Variants in MCM8 observed in about 807,000 individuals in gnomAD.
MCM8 encodes the protein DNA helicase MCM8.
In MCM8, 85 loss-of-function variants were observed where a neutral mutation model predicts 98.9. That is an observed-to-expected ratio of 0.86 (90% confidence interval 0.72 to 1.03). The LOEUF (loss-of-function observed/expected upper bound fraction) is 1.03, where lower values mean the gene tolerates loss of function less well. Ranked by LOEUF, MCM8 falls within the 50% of genes least tolerant of loss-of-function variation. MCM8 has a pLI of 0.00. For synonymous variants in MCM8, 352 were observed against 338.6 expected (o/e 1.04, Z -0.44); for missense variants, 951 against 997.8 (o/e 0.95, Z 0.63).
intron 13 of MCM8, among the ~76,000 whole-genome samples, chr20:5,980,285 C>G (rs1779613019): frequency 6.6e-6 from 1 of 152,116 alleles, no homozygotes; most frequent in African/African-American, 2.4e-5. Context: ...TGCCTGGACC[C>G]CCTATTGGCT....
At chr20:5,952,967 TTGGACTTC>T (rs142539946) in intron 3 of MCM8, among the ~76,000 whole-genome samples, 1 of 152,316 alleles carries the variant, frequency 6.6e-6, no homozygotes, top group East Asian at 1.9e-4. Context: ...AAAGCTATGC[TTGGACTTC>T]TGAAGGCTAC....
intron 12 of MCM8, among the ~76,000 whole-genome samples, chr20:5,977,125 AT>A (rs2089527873): frequency 6.6e-6 from 1 of 152,236 alleles, no homozygotes; most frequent in African/African-American, 2.4e-5. Context: ...GATAATTACT[AT>A]TTATTGAGCC....
intron 3 of MCM8, 77 bp from the exon 4 acceptor site, chr20:5,954,531 A>G (rs1163579756): frequency 1.3e-6 from 1 of 761,892 alleles, no homozygotes; most frequent in Non-Finnish European, 2.3e-6. Flanking sequence ...CCATGTATAT[A>G]GTGCTGCTTT....
chr20:5,982,961 C>CG lies in MCM8; in HGVS notation c.1538-8dup. The CG allele has an allele frequency of 6.2e-7, 1 of 1,600,238 alleles. No homozygotes were observed. The highest frequency in any genetic ancestry group is 2.3e-5 in the East Asian group (1 of 44,308). The stretch of plus-strand genomic sequence containing the variant: ...ATGTTTTTTCTGCTTTATTCTACTT[C>CG]GATTGTAGGTATTTGTGGAATCGAT... On this transcript the variant is annotated splice_polypyrimidine_tract_variant and intron_variant, in intron 13 of 18. Transcript: ENST00000610722.
At chr20:5,986,396 T>TAA (rs2089736230) in intron 16 of MCM8, among the ~76,000 whole-genome samples, 1 of 152,234 alleles carries the variant, frequency 6.6e-6, no homozygotes, top group Non-Finnish European at 1.5e-5. Flanking sequence ...AGGAGACTCC[T>TAA]GGAATATCTG....
chr20:5,975,081 A>G (rs1012443242), intron 12 of MCM8, among the ~76,000 whole-genome samples: 3 of 152,146 alleles, frequency 2.0e-5, no homozygotes, highest in Admixed American at 6.5e-5. Context: ...CAACAAAGTG[A>G]GACCCTATCT....
chr20:5,968,414 G>A (rs533645081), intron 10 of MCM8, among the ~76,000 whole-genome samples: 7 of 152,164 alleles, frequency 4.6e-5, no homozygotes, highest in Middle Eastern at 3.4e-3. Flanking sequence ...GCTTGGTGGC[G>A]GGCGCCTGTA....
chr20:5,954,564 T>A (rs779973237), intron 3 of MCM8, 44 bp from the exon 4 acceptor site: 2 of 1,110,616 alleles, frequency 1.8e-6, no homozygotes, highest in East Asian at 4.7e-5. Flanking sequence ...AATGTGCATG[T>A]ACCTGTGTGA....
At chr20:5,987,546 G>C (rs984639174) in intron 17 of MCM8, among the ~76,000 whole-genome samples, 188 bp downstream of exon 17, 4 of 151,920 alleles carry the variant, frequency 2.6e-5, no homozygotes, top group Non-Finnish European at 5.9e-5. Context: ...AAATTTTTTT[G>C]AATGAGTAAT....
intron 17 of MCM8, among the ~76,000 whole-genome samples, chr20:5,992,131 A>G (rs2089865601): frequency 6.6e-6 from 1 of 152,190 alleles, no homozygotes; most frequent in Admixed American, 6.6e-5. Flanking sequence ...GTGAAAGATC[A>G]TTGTTTTTTT....
At chr20:5,990,241 A>AT (rs1038812434) in intron 17 of MCM8, among the ~76,000 whole-genome samples, 58 of 151,934 alleles carry the variant, frequency 3.8e-4, no homozygotes, top group Non-Finnish European at 5.1e-4. Context: ...CGCCCAGCTA[A>AT]TTTTTTTGTA....
chr20:5,954,626 C>A lies in MCM8; in HGVS notation c.272C>A (p.Pro91His). The part of the protein sequence containing the change: ...YFSEVYSDSS[P>H]LIEKIQAFEK... ...GGATTAGTTTACAGCGATAGCTCTC[C>A]TTTGATTGAGAAGATTCAAGCATTT... The change falls in exon 4 of 19, where the codon CCT becomes CAT. Residue 91 changes from proline to histidine, a missense_variant. By Grantham distance (77) the Pro-to-His change is moderately conservative. Transcript: ENST00000610722. The A allele has an allele frequency of 6.2e-7, 1 of 1,608,400 alleles. No individual in the cohort carries two copies. The highest frequency in any genetic ancestry group is 8.5e-7 in the Non-Finnish European group (1 of 1,175,306).
chr20:5,963,823 A>G (rs929457835), intron 8 of MCM8, among the ~76,000 whole-genome samples: 3 of 152,214 alleles, frequency 2.0e-5, no homozygotes, highest in Non-Finnish European at 2.9e-5. Flanking sequence ...GGCGTGAGCC[A>G]CCGCTCCTAG....
intron 17 of MCM8, 146 bp from the exon 18 acceptor site, chr20:5,993,360 T>A: frequency 2.1e-6 from 1 of 480,850 alleles, no homozygotes. Context: ...AATTTCAGAG[T>A]GGCCCCTCAA....
chr20:5,990,075 T>G (rs879932876), intron 17 of MCM8, among the ~76,000 whole-genome samples: 1 of 152,076 alleles, frequency 6.6e-6, no homozygotes, highest in Non-Finnish European at 1.5e-5. Flanking sequence ...GTGCTTTTTT[T>G]TTTTTCTCTT....
In MCM8 at chr20:5,961,690, A is replaced by G. The variant is rs144228006; in HGVS notation, c.790-1584A>G. Among the ~76,000 whole-genome samples, 529 of 152,254 alleles carry G rather than the reference A, an allele frequency of 3.5e-3. 1 individual carries two copies. Among genetic ancestry groups the G allele is most frequent in the Non-Finnish European group, 6.3e-3 (427 of 68,008 alleles). ...GGTCTCACTCTGTCACCCAGGCTGG[A>G]GTGCAGGGGCATGAATACAGCTCAC... On this transcript the variant is annotated intron_variant, in intron 7 of 18. Coordinates refer to ENST00000610722, the MANE Select transcript of MCM8 (RefSeq NM_032485.6).
intron 17 of MCM8, among the ~76,000 whole-genome samples, chr20:5,989,120 C>CTTTTTTTTTTTTTTTTTT (rs1172678780): frequency 3.3e-5 from 4 of 120,346 alleles, no homozygotes; most frequent in African/African-American, 1.1e-4. Context: ...TAGCGCAAGT[C>CTTTTTTTTTTTTTTTTTT]TTTTTTTTTT....
At chr20:5,968,136 C>A in intron 10 of MCM8, 111 bp downstream of exon 10, 2 of 771,502 alleles carry the variant, frequency 2.6e-6, no homozygotes, top group Non-Finnish European at 4.3e-6. Flanking sequence ...AGTCCATGTA[C>A]CAAATACAGT....
At chr20:5,990,857 A>G (rs1303150560) in intron 17 of MCM8, 1 of 152,192 alleles carries the variant, frequency 6.6e-6, no homozygotes, top group Non-Finnish European at 1.5e-5. Flanking sequence ...GAATGTGTGC[A>G]TCTTGCTTTC....
Sources: allele counts gnomAD v4.1 joint callset (sites outside exome capture counted in the v4.1 genomes callset), GRCh38; gene constraint gnomAD v4.1.1; transcripts MANE v1.5; gene names NCBI Gene and HGNC (gene_info 2026-07-23, HGNC 2026-07-21).